PDZRN4: variants seen among roughly 807,000 people sequenced by gnomAD.
The protein encoded by PDZRN4 is PDZ domain containing ring finger 4.
In PDZRN4, 70 loss-of-function variants were observed where a neutral mutation model predicts 99.0. That is an observed-to-expected ratio of 0.71 (90% CI 0.58 to 0.86). The LOEUF (loss-of-function observed/expected upper bound fraction) is 0.86. PDZRN4 is among the 40% of genes least tolerant of loss of function. The pLI is 0.00. For missense variants in PDZRN4, 1,474 were observed against 1,331.2 expected (o/e 1.11, Z -1.67); for synonymous variants, 551 against 501.6 (o/e 1.10, Z -1.32).
At chr12:41,263,801 T>C (rs570573392) in intron 3 of PDZRN4, among the ~76,000 whole-genome samples, 1 of 152,276 alleles carries the variant, frequency 6.6e-6, no homozygotes, top group South Asian at 2.1e-4. Flanking sequence ...AGCAAGTTAC[T>C]AGTATAAACT....
intron 3 of PDZRN4, among the ~76,000 whole-genome samples, chr12:41,482,130 CTCTT>C (rs1937682631): frequency 6.6e-6 from 1 of 152,180 alleles, no homozygotes; most frequent in African/African-American, 2.4e-5. Flanking sequence ...GGGTTGCCTT[CTCTT>C]TCTTTTAGAC....
chr12:41,464,214 G>C (rs1033303103), intron 3 of PDZRN4, among the ~76,000 whole-genome samples: 5 of 152,044 alleles, frequency 3.3e-5, no homozygotes, highest in African/African-American at 1.2e-4. Context: ...TTCCACAGAT[G>C]ATAAAACTGG....
intron 3 of PDZRN4, among the ~76,000 whole-genome samples, chr12:41,377,685 T>C (rs895250297): frequency 1.3e-5 from 2 of 152,108 alleles, no homozygotes; most frequent in African/African-American, 4.8e-5. Flanking sequence ...ATTATAGTTT[T>C]CAGTGTACAG....
chr12:41,480,615 A>ATTGCT, intron 3 of PDZRN4, among the ~76,000 whole-genome samples: 1 of 152,314 alleles, frequency 6.6e-6, no homozygotes, highest in African/African-American at 2.4e-5. Context: ...ACATATAAAC[A>ATTGCT]AATCAACATT....
intron 5 of PDZRN4, among the ~76,000 whole-genome samples, chr12:41,546,638 G>C (rs1938957921): frequency 6.6e-6 from 1 of 151,884 alleles, no homozygotes; most frequent in African/African-American, 2.4e-5. Context: ...TAAAAATAAA[G>C]GTTATTTTAA....
intron 3 of PDZRN4, among the ~76,000 whole-genome samples, chr12:41,402,719 G>C (rs1462466509): frequency 7.1e-6 from 1 of 141,554 alleles, no homozygotes; most frequent in Non-Finnish European, 1.5e-5. Context: ...TCAAAAGTCA[G>C]AATCACCAGT....
chr12:41,563,805 TG>T (rs1287057391), intron 8 of PDZRN4, among the ~76,000 whole-genome samples, 156 bp downstream of exon 8: 2 of 152,204 alleles, frequency 1.3e-5, no homozygotes, highest in Admixed American at 6.6e-5. Flanking sequence ...ATGGCCTATG[TG>T]GGAGTGAATT....
At chr12:41,333,272 G>T (rs1412894165) in intron 3 of PDZRN4, among the ~76,000 whole-genome samples, 1 of 152,126 alleles carries the variant, frequency 6.6e-6, no homozygotes, top group African/African-American at 2.4e-5. Context: ...ACATGGAGAG[G>T]CAGTTCAGCT....
intron 3 of PDZRN4, among the ~76,000 whole-genome samples, chr12:41,505,745 A>G (rs913759665): frequency 6.7e-6 from 1 of 150,264 alleles, no homozygotes; most frequent in African/African-American, 2.4e-5. Context: ...AATTAAAACA[A>G]GTGAGTATCT....
chr12:41,572,658 T>C lies in PDZRN4; in HGVS notation c.1879T>C (p.Phe627Leu), dbSNP rs370383307. The C allele has an allele frequency of 6.2e-6, 10 of 1,614,182 alleles. No individual in the cohort carries two copies. Among genetic ancestry groups the C allele is most frequent in the Non-Finnish European group, 8.5e-6 (10 of 1,180,024 alleles). The change falls in exon 10 of 10, where the codon TTC becomes CTC. Residue 627 changes from phenylalanine to leucine, a missense_variant. Phe to Leu is a conservative substitution (Grantham distance 22). Coordinates refer to ENST00000402685, the MANE Select transcript of PDZRN4 (RefSeq NM_001164595.2). The part of the protein sequence containing the change: ...IGNPDEDCER[F>L]RQLLELKCKI... Reference sequence around the variant, plus strand: ...CAACCCAGATGAGGACTGTGAAAGATTCAGGCAGCTCTTGGAGCTCAAATG... The same window carrying C: ...CAACCCAGATGAGGACTGTGAAAGACTCAGGCAGCTCTTGGAGCTCAAATG...
chr12:41,489,566 T>G (rs1054275591), intron 3 of PDZRN4, among the ~76,000 whole-genome samples: 4 of 152,130 alleles, frequency 2.6e-5, no homozygotes, highest in African/African-American at 9.7e-5. Flanking sequence ...CAGTGTTTAG[T>G]ATAAGCAATG....
intron 5 of PDZRN4, among the ~76,000 whole-genome samples, chr12:41,519,291 T>C (rs1268953164): frequency 1.2e-4 from 18 of 152,070 alleles, no homozygotes; most frequent in Non-Finnish European, 2.5e-4. Context: ...GTTCTGAGCA[T>C]TTACGGTGTT....
chr12:41,285,262 C>T (rs1951415674), intron 3 of PDZRN4, among the ~76,000 whole-genome samples: 1 of 152,136 alleles, frequency 6.6e-6, no homozygotes, highest in South Asian at 2.1e-4. Flanking sequence ...AAAAGAAGCT[C>T]ATCACTGGTC....
chr12:41,423,093 T>C (rs1009390876), intron 3 of PDZRN4, among the ~76,000 whole-genome samples: 2 of 152,270 alleles, frequency 1.3e-5, no homozygotes, highest in Non-Finnish European at 2.9e-5. Context: ...AGTGTTGATT[T>C]TTTGTACTCC....
At chr12:41,231,898 G>A (rs1162745901) in intron 3 of PDZRN4, among the ~76,000 whole-genome samples, 1 of 151,888 alleles carries the variant, frequency 6.6e-6, no homozygotes, top group Non-Finnish European at 1.5e-5. Context: ...TTATACAGTA[G>A]CATTTTCAAA....
chr12:41,284,997 A>G (rs1951413012), intron 3 of PDZRN4, among the ~76,000 whole-genome samples: 1 of 152,186 alleles, frequency 6.6e-6, no homozygotes, highest in African/African-American at 2.4e-5. Context: ...AAAAGCCAAA[A>G]TAGACAAATG....
intron 3 of PDZRN4, among the ~76,000 whole-genome samples, chr12:41,446,957 G>A (rs1952734250): frequency 6.6e-6 from 1 of 151,102 alleles, no homozygotes; most frequent in Non-Finnish European, 1.5e-5. Flanking sequence ...ACAGAAAGAT[G>A]ACTTATAGGA....
At chr12:41,536,319 G>A (rs1592101636) in intron 5 of PDZRN4, among the ~76,000 whole-genome samples, 1 of 152,110 alleles carries the variant, frequency 6.6e-6, no homozygotes, top group Admixed American at 6.5e-5. Flanking sequence ...ATTACTAAGT[G>A]AAAGAAGCCA....
intron 3 of PDZRN4, among the ~76,000 whole-genome samples, chr12:41,419,175 G>A (rs1159392306): frequency 1.3e-5 from 2 of 152,098 alleles, no homozygotes; most frequent in Non-Finnish European, 2.9e-5. Flanking sequence ...TTCATATCTG[G>A]TGTTTTGGTT....
Sources: allele counts gnomAD v4.1 joint callset (sites outside exome capture counted in the v4.1 genomes callset), GRCh38; gene constraint gnomAD v4.1.1; transcripts MANE v1.5; gene names NCBI Gene and HGNC (gene_info 2026-07-23, HGNC 2026-07-21).